The following NF2 variants were observed in gnomAD, a reference collection of about 807,000 sequenced individuals.
The protein encoded by NF2 is NF2, moesin-ezrin-radixin like (MERLIN) tumor suppressor.
Under a neutral mutation model 83.7 loss-of-function variants are expected in NF2, and 8 were observed. That is an observed-to-expected ratio of 0.10 (90% CI 0.06 to 0.17). The LOEUF (loss-of-function observed/expected upper bound fraction) is 0.17, where lower values mean the gene tolerates loss of function less well. Among genes scored for constraint, NF2 ranks in the 10% least tolerant of loss-of-function variants. The pLI is 1.00. For missense variants in NF2, 533 were observed against 744.4 expected (o/e 0.72, Z 3.31); for synonymous variants, 266 against 269.6 (o/e 0.99, Z 0.13).
chr22:29,647,264 G>A lies in NF2; in HGVS notation c.447+4979G>A, dbSNP rs2267149. On this transcript the variant is annotated intron_variant, in intron 4 of 15. Coordinates refer to ENST00000338641, the MANE Select transcript of NF2 (RefSeq NM_000268.4). ...GAAGAGAGAAAAGAATTGTGGGAAGGGAAGCTTAGTTTCTTAGTACTCTTT... is the reference window on the plus strand; with the variant it reads ...GAAGAGAGAAAAGAATTGTGGGAAGAGAAGCTTAGTTTCTTAGTACTCTTT... 0.024 allele frequency among the ~76,000 whole-genome samples: 3,622 copies of A among 152,182 alleles called. 349 individuals are homozygous for A. The East Asian group carries it at 0.34, about 14-fold the overall frequency.
chr22:29,628,060 G>A (rs1232038580), intron 1 of NF2, among the ~76,000 whole-genome samples: 3 of 151,826 alleles, frequency 2.0e-5, no homozygotes, highest in South Asian at 2.1e-4. Context: ...CATCAACATC[G>A]TCAACCAACC....
At chr22:29,677,148 T>A (rs771804350) in intron 13 of NF2, among the ~76,000 whole-genome samples, 155 of 152,136 alleles carry the variant, frequency 1.0e-3, no homozygotes, top group Non-Finnish European at 1.7e-3. Context: ...AACTTGCAAA[T>A]AGTAGAAAGA....
intron 5 of NF2, among the ~76,000 whole-genome samples, chr22:29,655,342 C>T (rs923318979): frequency 3.3e-5 from 5 of 152,182 alleles, no homozygotes; most frequent in Non-Finnish European, 7.4e-5. Flanking sequence ...ATGTATCGCC[C>T]AGGCAGGGAC....
At chr22:29,623,029 C>G in intron 1 of NF2, among the ~76,000 whole-genome samples, 1 of 141,026 alleles carries the variant, frequency 7.1e-6, no homozygotes, top group Non-Finnish European at 1.5e-5. Flanking sequence ...CAGCTCACTA[C>G]AGACTTGACC....
chr22:29,695,101 T>C lies in NF2; in HGVS notation c.*299T>C. On this transcript the variant is annotated 3_prime_UTR_variant, in exon 16 of 16. Transcript: ENST00000338641. The surrounding 1 kb of genome is among the most constrained non-coding windows in gnomAD (Gnocchi z 5.4). ...TGACTCCCTTCGTCCAAGGCACCGG[T>C]GTGTGTGTGTCTTGCACTCCAGAGC... 1 of 504,072 alleles carries C rather than the reference T, an allele frequency of 2.0e-6. No individual in the cohort carries two copies. The highest frequency in any genetic ancestry group is 3.6e-6 in the Non-Finnish European group (1 of 275,678). The allele number at this position is 504,072 out of a possible 1,614,324, so 31.2% of individuals were successfully genotyped here.
chr22:29,621,496 A>C (rs1013939242), intron 1 of NF2, among the ~76,000 whole-genome samples: 6 of 152,062 alleles, frequency 3.9e-5, no homozygotes, highest in South Asian at 2.1e-4. Flanking sequence ...GCGAAACCCT[A>C]TCTCTACAAA....
At chr22:29,654,627 A>G (rs1184223641) in intron 4 of NF2, 30 bp from the exon 5 acceptor site, 7 of 1,598,836 alleles carry the variant, frequency 4.4e-6, no homozygotes, top group South Asian at 1.1e-5. Flanking sequence ...TTAGAATCTC[A>G]ATCGCCTGCT....
At chr22:29,633,231 C>T (rs529191814) in intron 1 of NF2, among the ~76,000 whole-genome samples, 70 of 152,094 alleles carry the variant, frequency 4.6e-4, no homozygotes, top group Non-Finnish European at 8.5e-4. Flanking sequence ...TATGTTTGAA[C>T]GTCTTTACTT....
chr22:29,636,707 G>A lies in NF2; in HGVS notation c.115-44G>A, dbSNP rs1461038090. The A allele has an allele frequency of 3.7e-6, 6 of 1,613,928 alleles. No homozygotes were observed. The highest frequency in any genetic ancestry group is 5.1e-6 in the Non-Finnish European group (6 of 1,179,862). ...AGTGCAGAGAAAAGGTTTTATTAATGATTTTTGCTCACAGTGTCCTTCCCC... is the reference window on the plus strand; with the variant it reads ...AGTGCAGAGAAAAGGTTTTATTAATAATTTTTGCTCACAGTGTCCTTCCCC... On this transcript the variant is annotated intron_variant, in intron 1 of 15. Coordinates refer to ENST00000338641, the MANE Select transcript of NF2 (RefSeq NM_000268.4). This position sits in a 1 kb window ranked among gnomAD's most constrained non-coding sequence, Gnocchi z 4.4.
In NF2 at chr22:29,636,971, T is replaced by C. The variant is rs570757687; in HGVS notation, c.240+95T>C. 1.3e-6 allele frequency: 2 copies of C among 1,567,182 alleles called. No individual in the cohort carries two copies. Among genetic ancestry groups the C allele is most frequent in the East Asian group, 4.5e-5 (2 of 44,694 alleles). ...TAGCTCATCACTGGGGCGCTGTAGC[T>C]GTATAGTAGAGAAGGGGGCACATTC... On this transcript the variant is annotated intron_variant, in intron 2 of 15. Transcript: ENST00000338641. The surrounding 1 kb of genome is among the most constrained non-coding windows in gnomAD (Gnocchi z 4.4).
At chr22:29,675,423 C>T (rs1466877872) in intron 13 of NF2, among the ~76,000 whole-genome samples, 1 of 151,972 alleles carries the variant, frequency 6.6e-6, no homozygotes, top group Non-Finnish European at 1.5e-5. Flanking sequence ...TAAATGGGGT[C>T]ACAAAATGAA....
intron 6 of NF2, among the ~76,000 whole-genome samples, chr22:29,657,018 A>C (rs549364289): frequency 1.5e-4 from 23 of 151,424 alleles, no homozygotes; most frequent in African/African-American, 5.6e-4. Context: ...GTTTCCTAAC[A>C]CTTTTTTTTT....
At chr22:29,656,407 C>CTT (rs59440855) in intron 6 of NF2, among the ~76,000 whole-genome samples, 1,178 of 81,688 alleles carry the variant, frequency 0.014, no homozygotes, top group Middle Eastern at 0.036. Flanking sequence ...GGGATATATT[C>CTT]TTTTTTTTTT....
intron 13 of NF2, among the ~76,000 whole-genome samples, chr22:29,675,831 A>G (rs567396842): frequency 2.0e-5 from 3 of 152,102 alleles, no homozygotes; most frequent in Non-Finnish European, 2.9e-5. Flanking sequence ...ACGCACCCAT[A>G]CTTACATTCA....
Position 29,697,820 on chromosome 22 carries a change from C to T in NF2, c.*3018C>T, listed in dbSNP as rs886057379. ...ACCTCAGGTGATCTGCCCACCTCGGCCTCCCAAAGTGCTGGGATTACAGGC... is the reference window on the plus strand; with the variant it reads ...ACCTCAGGTGATCTGCCCACCTCGGTCTCCCAAAGTGCTGGGATTACAGGC... On this transcript the variant is annotated 3_prime_UTR_variant, in exon 16 of 16. Coordinates refer to ENST00000338641, the MANE Select transcript of NF2 (RefSeq NM_000268.4). 6 of 183,624 alleles carry T rather than the reference C, an allele frequency of 3.3e-5. No individual in the cohort carries two copies. 11.4% of individuals were successfully genotyped at this position (183,624 alleles called of 1,614,324 possible).
intron 3 of NF2, among the ~76,000 whole-genome samples, chr22:29,641,169 C>T (rs2065800253): frequency 7.4e-6 from 1 of 135,544 alleles, no homozygotes; most frequent in African/African-American, 2.6e-5. Context: ...TTTTCTATAG[C>T]GTTGCTTTTT....
At chr22:29,655,468 C>A in intron 5 of NF2, 126 bp from the exon 6 acceptor site, 1 of 750,862 alleles carries the variant, frequency 1.3e-6, no homozygotes, top group Non-Finnish European at 2.4e-6. Flanking sequence ...GTGACTATCT[C>A]CCTGGGTGTA....
rs535413563 is a variant in NF2, at chr22:29,636,519, C to T, written c.115-232C>T. Reference sequence around the variant, plus strand: ...GATGTTAAAATCCGTAAGGAACTGTCCAAGGGATGTATTGTGTATGCTTTG... The same window carrying T: ...GATGTTAAAATCCGTAAGGAACTGTTCAAGGGATGTATTGTGTATGCTTTG... On this transcript the variant is annotated intron_variant, in intron 1 of 15. Coordinates refer to ENST00000338641, the MANE Select transcript of NF2 (RefSeq NM_000268.4). This position sits in a 1 kb window ranked among gnomAD's most constrained non-coding sequence, Gnocchi z 4.4. 6.6e-6 allele frequency among the ~76,000 whole-genome samples: 1 copy of T among 152,142 alleles called. No homozygotes were observed. Among genetic ancestry groups the T allele is most frequent in the Non-Finnish European group, 1.5e-5 (1 of 68,034 alleles).
chr22:29,641,183 C>CA (rs1205139884), intron 3 of NF2, among the ~76,000 whole-genome samples: 2 of 151,932 alleles, frequency 1.3e-5, no homozygotes, highest in Non-Finnish European at 2.9e-5. Context: ...GCTTTTTCCC[C>CA]CCTCTCTTTG....
Sources: gnomAD v4.1 joint callset for allele counts (sites outside exome capture counted in the v4.1 genomes callset) on GRCh38, gnomAD v4.1.1 for gene constraint, Gnocchi (gnomAD v3.1) non-coding constraint, MANE v1.5 for transcripts, NCBI Gene and HGNC (gene_info 2026-07-23, HGNC 2026-07-21) for gene names.